NCAPD3: variants seen among roughly 807,000 people sequenced by gnomAD.
NCAPD3 encodes the protein non-SMC condensin II complex subunit D3.
A neutral mutation model predicts 182.9 loss-of-function variants in NCAPD3; 105 were observed. The observed-to-expected ratio is 0.57, with a 90% CI of 0.49 to 0.68. The LOEUF (loss-of-function observed/expected upper bound fraction) is 0.68, where lower values mean the gene tolerates loss of function less well. NCAPD3 is among the 30% of genes least tolerant of loss of function. NCAPD3 has a pLI of 0.00. For missense variants in NCAPD3, 1,944 were observed against 1,837.0 expected (o/e 1.06, Z -1.07); for synonymous variants, 815 against 679.9 (o/e 1.20, Z -3.09).
intron 3 of NCAPD3, among the ~76,000 whole-genome samples, chr11:134,214,585 G>A (rs1303231328): frequency 6.6e-6 from 1 of 151,904 alleles, no homozygotes; most frequent in East Asian, 1.9e-4. Context: ...AACAAGAAAG[G>A]GACAAACAAC....
intron 24 of NCAPD3, among the ~76,000 whole-genome samples, chr11:134,170,959 A>C (rs557784379): frequency 4.3e-4 from 65 of 152,330 alleles, no homozygotes; most frequent in African/African-American, 1.5e-3. Flanking sequence ...CAAGCTTCCT[A>C]ATTGGAGAAG....
chr11:134,211,496 G>A (rs1389188445), intron 3 of NCAPD3, among the ~76,000 whole-genome samples: 1 of 151,784 alleles, frequency 6.6e-6, no homozygotes, highest in Non-Finnish European at 1.5e-5. Context: ...AAAAATACAG[G>A]GGGAAAAAAA....
rs528476283 is a variant in NCAPD3 at position 134,152,311 on chromosome 11, AATC to A, written c.*630_*632del. ...GCACAGATGAACTGCCCTTCAAGAC[AATC>A]ATCTTTTTTCTAATAGGGAAGATTT... is the stretch of plus-strand genomic sequence containing the variant. On this transcript the variant is annotated 3_prime_UTR_variant, in exon 35 of 35. Transcript: ENST00000534548. The A allele has an allele frequency of 1.3e-5, 2 of 152,252 alleles. No individual in the cohort carries two copies. Among genetic ancestry groups the A allele is most frequent in the African/African-American group, 4.8e-5 (2 of 41,462 alleles). 9.4% of individuals were successfully genotyped at this position (152,252 alleles called of 1,614,324 possible). A position where few individuals can be genotyped will look rare whatever the true frequency, so the allele number is the denominator to read the frequency against.
chr11:134,168,564 T>C lies in NCAPD3; in HGVS notation c.3278A>G (p.Lys1093Arg). 1 of 1,614,050 alleles carries C rather than the reference T, an allele frequency of 6.2e-7. No homozygotes were observed. Among genetic ancestry groups the C allele is most frequent in the Non-Finnish European group, 8.5e-7 (1 of 1,179,916 alleles). The change falls in exon 26 of 35, where the codon AAA becomes AGA. Residue 1093 changes from lysine (K) to arginine (R), a missense_variant. By Grantham distance (26) the Lys-to-Arg change is conservative. Around this residue, in one of 3 missense-constraint regions of NCAPD3, gnomAD observed 1,803 missense variants for 1,674.6 expected, o/e 1.08. Coordinates refer to ENST00000534548, the MANE Select transcript of NCAPD3 (RefSeq NM_015261.3). Reference sequence around the variant, plus strand: ...TTTGTAGATTTTCATTCGTCTCTCTTTGTTTGACTTTCCCTTCAATGAAAA... The same window carrying C: ...TTTGTAGATTTTCATTCGTCTCTCTCTGTTTGACTTTCCCTTCAATGAAAA... The part of the protein sequence containing the change: ...RLFSLKGKSN[K>R]ERRMKIYKFL...
chr11:134,224,096 C>T (rs1938356068), upstream of NCAPD3: 2 of 790,420 alleles, frequency 2.5e-6, no homozygotes, highest in Middle Eastern at 2.3e-4. Flanking sequence ...TCGTCCGCCG[C>T]ACGCTCAGAG....
At chr11:134,191,207 ATGTCTCC>A (rs2135994464) in intron 16 of NCAPD3, among the ~76,000 whole-genome samples, 1 of 152,318 alleles carries the variant, frequency 6.6e-6, no homozygotes, top group African/African-American at 2.4e-5. Context: ...GTTTGTTTTA[ATGTCTCC>A]TTAAAGACCT....
chr11:134,210,238 T>C, intron 4 of NCAPD3, 32 bp downstream of exon 4: 1 of 1,565,742 alleles, frequency 6.4e-7, no homozygotes, highest in Non-Finnish European at 8.7e-7. Context: ...CGTGTGTTGG[T>C]ATATATGTTT....
intron 27 of NCAPD3, 135 bp downstream of exon 27, chr11:134,167,859 ACT>A (rs1309793084): frequency 5.9e-6 from 5 of 845,268 alleles, no homozygotes; most frequent in South Asian, 1.6e-5. Context: ...GGAGCAGCAC[ACT>A]CGTGAGATGA....
rs1943939716 is a variant in NCAPD3 at position 134,168,959 on chromosome 11, T to C, written c.3197A>G (p.Tyr1066Cys). The C allele has an allele frequency of 1.9e-6, 3 of 1,614,028 alleles. No individual in the cohort carries two copies. The highest frequency in any genetic ancestry group is 1.1e-5 in the South Asian group (1 of 91,064). Residue 1066 changes from tyrosine (Y) to cysteine (C), a missense_variant, in exon 25 of 35, where the codon TAT becomes TGT. Tyr to Cys is a radical substitution (Grantham distance 194). Coordinates refer to ENST00000534548, the MANE Select transcript of NCAPD3 (RefSeq NM_015261.3). Reference protein sequence around the residue: ...FIECIFHFNNYEKHEKYNKFP... With the variant: ...FIECIFHFNNCEKHEKYNKFP... ...CTTGTTGTACTTCTCATGCTTCTCA[T>C]AGTTATTAAAGTGAAAAATACATTC... is the stretch of plus-strand genomic sequence containing the variant.
intron 13 of NCAPD3, among the ~76,000 whole-genome samples, chr11:134,201,276 C>T (rs561000779): frequency 3.9e-5 from 6 of 151,936 alleles, no homozygotes; most frequent in East Asian, 1.9e-4. Flanking sequence ...CCTCCCGTCT[C>T]GGCCTCCCAA....
chr11:134,164,607 T>A (rs898896974), intron 27 of NCAPD3, among the ~76,000 whole-genome samples: 6 of 148,202 alleles, frequency 4.0e-5, no homozygotes, highest in African/African-American at 1.5e-4. Flanking sequence ...TTAGGGGAGC[T>A]GCACACTCAC....
At chr11:134,208,508 A>G (rs1442573800) in intron 7 of NCAPD3, among the ~76,000 whole-genome samples, 2 of 152,192 alleles carry the variant, frequency 1.3e-5, no homozygotes, top group Non-Finnish European at 2.9e-5. Context: ...TTTTAGAATG[A>G]TTTGGGAAAT....
chr11:134,209,598 A>C (rs1937750262), intron 4 of NCAPD3, 121 bp from the exon 5 acceptor site: 1 of 918,174 alleles, frequency 1.1e-6, no homozygotes. Flanking sequence ...TTGAGGTGAT[A>C]TGACTTTGAC....
chr11:134,222,519 A>T (rs1379877848), intron 1 of NCAPD3, among the ~76,000 whole-genome samples: 2 of 152,240 alleles, frequency 1.3e-5, no homozygotes, highest in Non-Finnish European at 2.9e-5. Context: ...TTGGAAATAC[A>T]GGATTTTTGT....
At position 134,206,610 on chromosome 11, in the gene NCAPD3, G is replaced by C. The variant is rs746207428; in HGVS notation, c.1005C>G (p.Val335=). ...TTTGTGTGCTTCACCTGATAAACTGGACCGCCTGGTTTCTACAGTTGATGA... is the reference window on the plus strand; with the variant it reads ...TTTGTGTGCTTCACCTGATAAACTGCACCGCCTGGTTTCTACAGTTGATGA... ...SQVINCRNQA[V]QFISALVDEL... Residue 335 remains valine, a synonymous_variant, in exon 8 of 35, where the codon GTC becomes GTG. Coordinates refer to ENST00000534548, the MANE Select transcript of NCAPD3 (RefSeq NM_015261.3). 4 of 1,613,220 alleles carry C rather than the reference G, an allele frequency of 2.5e-6. No individual in the cohort carries two copies. Among genetic ancestry groups the C allele is most frequent in the Non-Finnish European group, 3.4e-6 (4 of 1,179,724 alleles).
intron 16 of NCAPD3, among the ~76,000 whole-genome samples, 184 bp downstream of exon 16, chr11:134,192,505 A>G (rs1944543864): frequency 6.6e-6 from 1 of 152,258 alleles, no homozygotes; most frequent in South Asian, 2.1e-4. Flanking sequence ...TGTCACAAAC[A>G]TACAGGCGAT....
chr11:134,172,263 CCTAA>C (rs976554455), intron 24 of NCAPD3, among the ~76,000 whole-genome samples: 15 of 152,274 alleles, frequency 9.9e-5, no homozygotes, highest in Admixed American at 3.3e-4. Flanking sequence ...TACTGAATGC[CCTAA>C]CTTTCTGCTT....
rs139400293 is a variant in NCAPD3, at chr11:134,178,845, G to A, written c.2651C>T (p.Ala884Val). 3.7e-5 allele frequency: 59 copies of A among 1,614,024 alleles called. No homozygotes were observed. In the African/African-American group the frequency reaches 7.6e-4, roughly 21 times the overall value. Reference sequence around the variant, plus strand: ...ACAGTGGTCAGCATCAGCAGACGAAGCCAGGACGGACTGAATCAGAAGGAA... The same window carrying A: ...ACAGTGGTCAGCATCAGCAGACGAAACCAGGACGGACTGAATCAGAAGGAA... Reference protein sequence around the residue: ...RIFLLIQSVLASSADADHSPS... With the variant: ...RIFLLIQSVLVSSADADHSPS... Residue 884 changes from alanine (A) to valine (V), a missense_variant, in exon 21 of 35, where the codon GCT (alanine) becomes GTT (valine). This residue lies in a region of NCAPD3 where 1,803 missense variants were observed against 1,674.6 expected (regional missense o/e 1.08). Transcript: ENST00000534548.
At chr11:134,224,856 C>G (rs927797771), upstream of NCAPD3, 6 of 163,894 alleles carry the variant, frequency 3.7e-5, no homozygotes, top group Admixed American at 3.2e-4. Flanking sequence ...CTGGCTGGGA[C>G]TGGCTCGGCC....
Sources: allele counts gnomAD v4.1 joint callset (sites outside exome capture counted in the v4.1 genomes callset), GRCh38; gene constraint gnomAD v4.1.1; regional missense constraint gnomAD v4.1.1; transcripts MANE v1.5; gene names NCBI Gene and HGNC (gene_info 2026-07-23, HGNC 2026-07-21).